The following OTUB1 variants were observed in gnomAD, a reference collection of about 807,000 sequenced individuals.
OTUB1 encodes the protein ubiquitin thioesterase OTUB1.
OTUB1 carries 10 observed loss-of-function variants against 35.8 expected under a neutral mutation model. The observed-to-expected ratio is 0.28, with a 90% confidence interval of 0.17 to 0.47. OTUB1 has a LOEUF of 0.47. OTUB1 is among the 20% of genes least tolerant of loss of function. The probability of loss-of-function intolerance (pLI) is 0.99; values close to 1 mark genes in which losing one functional copy is unlikely to be tolerated. For missense variants in OTUB1, 264 were observed against 351.6 expected (o/e 0.75, Z 1.99); for synonymous variants, 158 against 143.8 (o/e 1.10, Z -0.71).
chr11:63,988,497 A>G, intron 2 of OTUB1, 99 bp downstream of exon 2: 2 of 1,355,644 alleles, frequency 1.5e-6, no homozygotes, highest in East Asian at 4.7e-5. Flanking sequence ...CTACTTTGGA[A>G]GCTCCCTCCT....
intron 1 of OTUB1, chr11:63,986,733 C>T (rs1291676679): frequency 2.1e-5 from 11 of 531,398 alleles, no homozygotes; most frequent in Non-Finnish European, 3.3e-5. Flanking sequence ...GGGCCAAGGC[C>T]CGCGGCCCTT....
Position 63,997,852 on chromosome 11 carries a change from C to T in OTUB1, c.*306C>T. 5.9e-6 allele frequency: 4 copies of T among 679,276 alleles called. No homozygotes were observed. In the South Asian group the frequency reaches 6.1e-5, roughly 10 times the overall value. 42.1% of individuals were successfully genotyped at this position (679,276 alleles called of 1,614,324 possible). On this transcript the variant is annotated 3_prime_UTR_variant, in exon 7 of 7. Transcript: ENST00000538426. ...GAGGGGCCAGGCCTCTTGGAGGCCCCTCCTGCTTCGTTGGGTTCTGCTTCC... is the reference window on the plus strand; with the variant it reads ...GAGGGGCCAGGCCTCTTGGAGGCCCTTCCTGCTTCGTTGGGTTCTGCTTCC...
intron 3 of OTUB1, among the ~76,000 whole-genome samples, chr11:63,994,130 A>G (rs1394819573): frequency 6.6e-6 from 1 of 152,144 alleles, no homozygotes; most frequent in Non-Finnish European, 1.5e-5. Flanking sequence ...TGTCTCAGAA[A>G]AGAAAAAAAA....
chr11:63,997,260 C>A lies in OTUB1; in HGVS notation c.618+16C>A. The A allele has an allele frequency of 6.2e-7, 1 of 1,612,136 alleles. No homozygotes were observed. Among genetic ancestry groups the A allele is most frequent in the South Asian group, 1.1e-5 (1 of 90,978 alleles). ...CTGCCAGCAGGTGCCGTCCCCCTCC[C>A]CTTTACTCTCGGCCGGGGGAGTGCA... is the stretch of plus-strand genomic sequence containing the variant. On this transcript the variant is annotated intron_variant, in intron 6 of 6. Transcript: ENST00000538426.
chr11:63,994,275 C>T (rs925361917), intron 3 of OTUB1, among the ~76,000 whole-genome samples: 8 of 152,064 alleles, frequency 5.3e-5, no homozygotes, highest in African/African-American at 1.7e-4. Context: ...TTTTTTGAAA[C>T]GGAGTCTCCC....
chr11:63,986,445 C>G lies in OTUB1; in HGVS notation c.-12C>G. 1 of 1,553,258 alleles carries G rather than the reference C, an allele frequency of 6.4e-7. No individual in the cohort carries two copies. The highest frequency in any genetic ancestry group is 8.7e-7 in the Non-Finnish European group (1 of 1,148,422). ...AACCCGGAAGCGGTCGGTAGTGCGG[C>G]GCTGTTTAAAGATGGCGGCGGAGGA... On this transcript the variant is annotated 5_prime_UTR_variant, in exon 1 of 7. Coordinates refer to ENST00000538426, the MANE Select transcript of OTUB1 (RefSeq NM_017670.3).
At chr11:63,988,483 G>T in intron 2 of OTUB1, 85 bp downstream of exon 2, 1 of 1,418,274 alleles carries the variant, frequency 7.1e-7, no homozygotes, top group Non-Finnish European at 9.8e-7. Context: ...CCTATTGTCT[G>T]TCTCTACTTT....
chr11:63,991,958 C>A (rs565600303), intron 3 of OTUB1, among the ~76,000 whole-genome samples: 2 of 152,102 alleles, frequency 1.3e-5, no homozygotes, highest in Non-Finnish European at 2.9e-5. Flanking sequence ...TGGCTCACGC[C>A]TGTAATCCCA....
chr11:63,993,695 G>C (rs1942693128), intron 3 of OTUB1, among the ~76,000 whole-genome samples: 1 of 150,936 alleles, frequency 6.6e-6, no homozygotes, highest in African/African-American at 2.4e-5. Flanking sequence ...TGAGACTGAT[G>C]TCGTCAAGAG....
At chr11:63,995,411 G>GTC (rs1233104635) in intron 3 of OTUB1, among the ~76,000 whole-genome samples, 1 of 152,108 alleles carries the variant, frequency 6.6e-6, no homozygotes, top group Non-Finnish European at 1.5e-5. Flanking sequence ...GGTCATGCTG[G>GTC]TCTCGAACTC....
intron 1 of OTUB1, chr11:63,986,814 CA>C (rs2134303746): frequency 2.6e-6 from 1 of 381,590 alleles, no homozygotes; most frequent in East Asian, 4.3e-5. Context: ...CTCCTGGCTC[CA>C]GGGGCCCCGA....
rs1942669956 is a variant in OTUB1 at position 63,991,225 on chromosome 11, C to T, written c.219+2473C>T. 2.6e-5 allele frequency among the ~76,000 whole-genome samples: 4 copies of T among 152,240 alleles called. 1 individual carries two copies. The South Asian group carries it at 8.3e-4, about 32-fold the overall frequency. On this transcript the variant is annotated intron_variant, in intron 3 of 6. Coordinates refer to ENST00000538426, the MANE Select transcript of OTUB1 (RefSeq NM_017670.3). ...CGGGGACATTGTCTGCCTCACAGGG[C>T]AATTGTGAGGGTTGAAGGAGATGTT...
Position 63,997,042 on chromosome 11 carries a change from G to T in OTUB1, c.424-8G>T. ...GTCATCTTGCCCTTTCTCCCTCCGT[G>T]GCTGCAGTTCATGGACCTGATTGAG... On this transcript the variant is annotated splice_polypyrimidine_tract_variant and splice_region_variant and intron_variant, in intron 5 of 6. Transcript: ENST00000538426. 6.2e-7 allele frequency: 1 copy of T among 1,612,990 alleles called. No homozygotes were observed. The highest frequency in any genetic ancestry group is 1.1e-5 in the South Asian group (1 of 91,074).
rs1942726621 is a variant in OTUB1, at chr11:63,997,035, C to T, written c.424-15C>T. 4 of 1,612,676 alleles carry T rather than the reference C, an allele frequency of 2.5e-6. No homozygotes were observed. Among genetic ancestry groups the T allele is most frequent in the Non-Finnish European group, 2.5e-6 (3 of 1,178,824 alleles). On this transcript the variant is annotated splice_polypyrimidine_tract_variant and intron_variant, in intron 5 of 6. Transcript: ENST00000538426. ...CCTCCCCGTCATCTTGCCCTTTCTC[C>T]CTCCGTGGCTGCAGTTCATGGACCT...
At position 63,997,177 on chromosome 11, in the gene OTUB1, A is replaced by G; in HGVS notation, c.551A>G (p.Gln184Arg). 1.2e-6 allele frequency: 2 copies of G among 1,614,240 alleles called. No individual in the cohort carries two copies. The highest frequency in any genetic ancestry group is 1.7e-6 in the Non-Finnish European group (2 of 1,180,036). The stretch of plus-strand genomic sequence containing the variant: ...CGGCTGCTCACCTCGGGCTACCTGC[A>G]GCGCGAGAGCAAGTTCTTCGAGCAC... Reference protein sequence around the residue: ...YLRLLTSGYLQRESKFFEHFI... With the variant: ...YLRLLTSGYLRRESKFFEHFI... Residue 184 changes from glutamine to arginine, a missense_variant, in exon 6 of 7, where the codon CAG (glutamine) becomes CGG (arginine). Coordinates refer to ENST00000538426, the MANE Select transcript of OTUB1 (RefSeq NM_017670.3).
chr11:63,986,567 C>G (rs377515928), intron 1 of OTUB1, 53 bp downstream of exon 1: 1 of 1,472,694 alleles, frequency 6.8e-7, no homozygotes, highest in Non-Finnish European at 9.2e-7. Context: ...CGATGCCGGG[C>G]CAGCTGCTCC....
chr11:63,998,059 T>A lies in OTUB1; in HGVS notation c.*513T>A. 1 of 447,846 alleles carries A rather than the reference T, an allele frequency of 2.2e-6. No individual in the cohort carries two copies. 27.7% of individuals were successfully genotyped at this position (447,846 alleles called of 1,614,324 possible). ...CGGGAGTCTGCATGGTTGGGAGTCC[T>A]GGGTGGAGGGGCCTTTGTGAGGCTG... On this transcript the variant is annotated 3_prime_UTR_variant, in exon 7 of 7. Transcript: ENST00000538426.
intron 3 of OTUB1, among the ~76,000 whole-genome samples, chr11:63,994,337 C>T (rs1403022024): frequency 6.6e-6 from 1 of 152,154 alleles, no homozygotes; most frequent in African/African-American, 2.4e-5. Context: ...ACTGCAATCT[C>T]CACCTCCTGG....
Position 63,997,483 on chromosome 11 carries a change from G to C in OTUB1, c.753G>C (p.Glu251Asp). The change falls in exon 7 of 7, where the codon GAG becomes GAC. Residue 251 changes from glutamate (E) to aspartate (D), a missense_variant. By Grantham distance (45) the Glu-to-Asp change is conservative (BLOSUM62 2). This residue lies in a region of OTUB1 where 214 missense variants were observed against 317.1 expected (regional missense o/e 0.67). Coordinates refer to ENST00000538426, the MANE Select transcript of OTUB1 (RefSeq NM_017670.3). ...CCACCAATCCGCACATCTTCCCTGA[G>C]GGCTCCGAGCCCAAGGTCTACCTTC... ...GGTTNPHIFP[E>D]GSEPKVYLLY... The C allele has an allele frequency of 6.2e-7, 1 of 1,614,136 alleles. No homozygotes were observed. Among genetic ancestry groups the C allele is most frequent in the Non-Finnish European group, 8.5e-7 (1 of 1,180,034 alleles).
Sources: allele counts gnomAD v4.1 joint callset (sites outside exome capture counted in the v4.1 genomes callset), GRCh38; gene constraint gnomAD v4.1.1; regional missense constraint gnomAD v4.1.1; transcripts MANE v1.5; gene names NCBI Gene and HGNC (gene_info 2026-07-23, HGNC 2026-07-21).